The following DPP10 variants were observed in gnomAD, a reference collection of about 807,000 sequenced individuals.
DPP10 encodes inactive dipeptidyl peptidase 10.
Under a neutral mutation model 120.9 loss-of-function variants are expected in DPP10, and 33 were observed. That is an observed-to-expected ratio of 0.27 (90% CI 0.21 to 0.37). The LOEUF (loss-of-function observed/expected upper bound fraction) is 0.37. DPP10 is among the 10% of genes least tolerant of loss of function. The probability of loss-of-function intolerance (pLI) is 1.00; values close to 1 mark genes in which losing one functional copy is unlikely to be tolerated. For synonymous variants in DPP10, 337 were observed against 326.1 expected, an observed-to-expected ratio of 1.03 and a Z score of -0.36; for missense variants, 816 against 942.8, an observed-to-expected ratio of 0.87 and a Z score of 1.76.
At chr2:114,629,214 C>A (rs766809442) in intron 1 of DPP10, among the ~76,000 whole-genome samples, 26 of 152,072 alleles carry the variant, frequency 1.7e-4, no homozygotes, top group Non-Finnish European at 3.5e-4. Flanking sequence ...TTCCTTCAAA[C>A]TTTCTCTGCC....
chr2:115,087,255 A>C (rs985007981), intron 1 of DPP10, among the ~76,000 whole-genome samples: 7 of 152,196 alleles, frequency 4.6e-5, no homozygotes, highest in Non-Finnish European at 1.0e-4. Context: ...GTAGTGTGGC[A>C]ATGGCTGTAG....
At chr2:114,730,379 C>T (rs1676775139) in intron 1 of DPP10, among the ~76,000 whole-genome samples, 2 of 152,152 alleles carry the variant, frequency 1.3e-5, no homozygotes, top group African/African-American at 4.8e-5. Flanking sequence ...TGGTGGCTGG[C>T]TATTCTCAGA....
At chr2:114,528,056 T>C (rs1270749270) in intron 1 of DPP10, among the ~76,000 whole-genome samples, 1 of 152,032 alleles carries the variant, frequency 6.6e-6, no homozygotes, top group East Asian at 1.9e-4. Flanking sequence ...CAAAGTGGGA[T>C]TAAATCAGGA....
chr2:115,304,423 G>A (rs779712465), intron 1 of DPP10, among the ~76,000 whole-genome samples: 4 of 151,990 alleles, frequency 2.6e-5, no homozygotes, highest in Non-Finnish European at 4.4e-5. Context: ...CTTTTCACAC[G>A]GAAATACAGA....
chr2:114,768,324 G>T (rs181798987), intron 1 of DPP10, among the ~76,000 whole-genome samples: 5 of 152,264 alleles, frequency 3.3e-5, no homozygotes, highest in African/African-American at 1.2e-4. Context: ...ATGTTTGATA[G>T]TTAAATGAGA....
At chr2:115,334,326 T>A (rs1055541253) in intron 2 of DPP10, among the ~76,000 whole-genome samples, 20 of 145,062 alleles carry the variant, frequency 1.4e-4, no homozygotes, top group Non-Finnish European at 2.6e-4. Flanking sequence ...AGGAAATCCC[T>A]AGTATGCCAA....
chr2:114,770,867 GA>G (rs1681187368), intron 1 of DPP10, among the ~76,000 whole-genome samples: 1 of 151,334 alleles, frequency 6.6e-6, no homozygotes, highest in Admixed American at 6.6e-5. Flanking sequence ...CAAAATTTTT[GA>G]AATGAGTTTT....
chr2:114,625,543 A>C (rs1332230499), intron 1 of DPP10, among the ~76,000 whole-genome samples: 1 of 152,014 alleles, frequency 6.6e-6, no homozygotes, highest in Non-Finnish European at 1.5e-5. Flanking sequence ...ATCTTCCCTT[A>C]TCAGCTACTT....
intron 1 of DPP10, among the ~76,000 whole-genome samples, chr2:114,657,760 A>T (rs1697073225): frequency 6.6e-6 from 1 of 152,210 alleles, no homozygotes; most frequent in African/African-American, 2.4e-5. Context: ...TGTTTAATGA[A>T]ATTTAAGCAC....
At chr2:115,301,503 T>C (rs1445219372) in intron 1 of DPP10, among the ~76,000 whole-genome samples, 1 of 151,458 alleles carries the variant, frequency 6.6e-6, no homozygotes, top group Admixed American at 6.6e-5. Flanking sequence ...GCACTCACTG[T>C]TCCAAGGTGG....
At chr2:115,820,783 T>C (rs1575889292) in intron 21 of DPP10, among the ~76,000 whole-genome samples, 1 of 149,748 alleles carries the variant, frequency 6.7e-6, no homozygotes, top group Non-Finnish European at 1.5e-5. Context: ...TATGGCTGAG[T>C]AGTATTCCAT....
At chr2:114,660,642 T>C (rs1046504799) in intron 1 of DPP10, among the ~76,000 whole-genome samples, 2 of 152,214 alleles carry the variant, frequency 1.3e-5, no homozygotes, top group Non-Finnish European at 2.9e-5. Flanking sequence ...TCATTGGTAA[T>C]AGGAGAGTTT....
chr2:115,742,463 A>G (rs971020674), intron 9 of DPP10, among the ~76,000 whole-genome samples: 1 of 152,188 alleles, frequency 6.6e-6, no homozygotes, highest in Non-Finnish European at 1.5e-5. Flanking sequence ...AATATTTATT[A>G]GAAGTAAAAA....
chr2:115,360,060 T>C (rs548257715), intron 3 of DPP10, among the ~76,000 whole-genome samples: 2 of 152,316 alleles, frequency 1.3e-5, no homozygotes, highest in South Asian at 4.1e-4. Flanking sequence ...TTGAATCGCA[T>C]TGAGCTTCCT....
intron 3 of DPP10, among the ~76,000 whole-genome samples, chr2:115,359,591 T>C (rs1413643874): frequency 6.6e-6 from 1 of 152,202 alleles, no homozygotes; most frequent in Non-Finnish European, 1.5e-5. Context: ...CTATTGAATA[T>C]GTGCCTTAGA....
At chr2:115,488,891 A>G (rs1366839622) in intron 3 of DPP10, among the ~76,000 whole-genome samples, 1 of 151,318 alleles carries the variant, frequency 6.6e-6, no homozygotes, top group Non-Finnish European at 1.5e-5. Context: ...AAAAAAAAAA[A>G]AAAAAAAAAT....
At chr2:114,737,758 TACATGACCTTGGGCAAGCC>T (rs1677597590) in intron 1 of DPP10, among the ~76,000 whole-genome samples, 1 of 152,192 alleles carries the variant, frequency 6.6e-6, no homozygotes, top group Non-Finnish European at 1.5e-5. Context: ...AAGGTTTAGC[TACATGACCTTGGGCAAGCC>T]ACATAAGCCT....
chr2:115,563,867 A>G (rs1210995632), intron 5 of DPP10, among the ~76,000 whole-genome samples: 1 of 152,224 alleles, frequency 6.6e-6, no homozygotes, highest in African/African-American at 2.4e-5. Flanking sequence ...TAAATGATTC[A>G]GCTAAGAAAT....
chr2:115,526,092 G>A (rs984066), intron 5 of DPP10, 120 bp downstream of exon 5: 142,586 of 668,538 alleles, frequency 0.21, 17,790 homozygotes, highest in East Asian at 0.44. Flanking sequence ...AACTACCGGA[G>A]GACAGTAATG....
Sources: allele counts gnomAD v4.1 joint callset (sites outside exome capture counted in the v4.1 genomes callset), GRCh38; gene constraint gnomAD v4.1.1; transcripts MANE v1.5; gene names NCBI Gene and HGNC (gene_info 2026-07-23, HGNC 2026-07-21).